EXD3: variants seen among roughly 807,000 people sequenced by gnomAD.
EXD3 encodes the protein exonuclease 3'-5' domain containing 3.
Under a neutral mutation model 98.0 loss-of-function variants are expected in EXD3, and 92 were observed. The ratio of observed to expected loss-of-function variants is 0.94; its 90% CI spans 0.79 to 1.12. EXD3 has a LOEUF of 1.12. Ranked by LOEUF, EXD3 falls within the 50% of genes most tolerant of loss-of-function variation. EXD3 has a pLI of 0.00. For synonymous variants in EXD3, 569 were observed against 526.0 expected (o/e 1.08, Z -1.12); for missense variants, 1,222 against 1,191.6 (o/e 1.03, Z -0.38).
chr9:137,419,390 C>A (rs143726458), intron 1 of EXD3, among the ~76,000 whole-genome samples: 23 of 152,358 alleles, frequency 1.5e-4, no homozygotes, highest in Admixed American at 3.9e-4. Flanking sequence ...CAGTTTAAGG[C>A]CGGGCACGGT....
At chr9:137,310,271 G>A (rs1318972258) in intron 19 of EXD3, among the ~76,000 whole-genome samples, 2 of 152,216 alleles carry the variant, frequency 1.3e-5, no homozygotes, top group East Asian at 1.9e-4. Context: ...TTTGAGATGC[G>A]GTCTCATTGT....
Position 137,403,136 on chromosome 9 carries a change from C to T in EXD3, c.-47-7732G>A, listed in dbSNP as rs1393887409. On this transcript the variant is annotated intron_variant, in intron 1 of 21. Transcript: ENST00000340951. This position sits in a 1 kb window ranked among gnomAD's most constrained non-coding sequence, Gnocchi z 6.1. Reference sequence around the variant, plus strand: ...CGGCTTGGCTCATTTCCTGCAGGATCCCCGGCGCTGACCCCTCTCCCCTCC... The same window carrying T: ...CGGCTTGGCTCATTTCCTGCAGGATTCCCGGCGCTGACCCCTCTCCCCTCC... Among the ~76,000 whole-genome samples the T allele has an allele frequency of 6.6e-6, 1 of 151,932 alleles. No individual in the cohort carries two copies. Among genetic ancestry groups the T allele is most frequent in the African/African-American group, 2.4e-5 (1 of 41,372 alleles).
chr9:137,353,594 C>A (rs997880547), intron 10 of EXD3: 10 of 985,910 alleles, frequency 1.0e-5, no homozygotes, highest in Non-Finnish European at 9.6e-6. Flanking sequence ...AGCTCTCTCC[C>A]ACCCCGCAGC....
Position 137,351,102 on chromosome 9 carries a change from G to A in EXD3, c.1430C>T (p.Pro477Leu). 2 of 1,584,796 alleles carry A rather than the reference G, an allele frequency of 1.3e-6. No individual in the cohort carries two copies. The highest frequency in any genetic ancestry group is 1.8e-5 in the Admixed American group (1 of 56,052). The part of the protein sequence containing the change: ...GDLQKLGTSC[P>L]ALAHVEKQIL... ...CTGCTTCTCCACATGGGCCAGGGCG[G>A]GGCAGGACGTGCCCAGTTTTTGCAG... The change falls in exon 14 of 22, where the codon CCC (proline) becomes CTC (leucine). Residue 477 changes from proline to leucine, a missense_variant. By Grantham distance (98) the Pro-to-Leu change is moderately conservative (BLOSUM62 -3). Transcript: ENST00000340951.
rs1008456263 is a variant in EXD3 at position 137,371,886 on chromosome 9, C to G, written c.462+1019G>C. Among the ~76,000 whole-genome samples, 1 of 151,996 alleles carries G rather than the reference C, an allele frequency of 6.6e-6. No homozygotes were observed. The highest frequency in any genetic ancestry group is 1.5e-5 in the Non-Finnish European group (1 of 67,976). ...GGGGGCTCCCCTGCACCTGCAGGAA[C>G]AGCTCAGAGCCACCCCACGCAAGAC... is the stretch of plus-strand genomic sequence containing the variant. On this transcript the variant is annotated intron_variant, in intron 5 of 21. Transcript: ENST00000340951. The surrounding 1 kb of genome is among the most constrained non-coding windows in gnomAD (Gnocchi z 8.0).
rs1834026647 is a variant in EXD3 at position 137,348,070 on chromosome 9, C to A, written c.1998+1G>T. On this transcript the variant is annotated splice_donor_variant, in intron 17 of 21. Transcript: ENST00000340951. LOFTEE classifies it high-confidence loss of function. ...CCCCAAGACCCTCCCCGCAAACTCA[C>A]CTCGGCCGCCCTGCGGTGGTCTTCA... is the stretch of plus-strand genomic sequence containing the variant. 6.2e-7 allele frequency: 1 copy of A among 1,609,660 alleles called. No individual in the cohort carries two copies. Among genetic ancestry groups the A allele is most frequent in the East Asian group, 2.2e-5 (1 of 44,860 alleles).
intron 19 of EXD3, among the ~76,000 whole-genome samples, chr9:137,317,952 G>A (rs1473548183): frequency 6.6e-6 from 1 of 152,172 alleles, no homozygotes; most frequent in Non-Finnish European, 1.5e-5. Context: ...GTGGGAATGG[G>A]GTCTGGGCTG....
chr9:137,319,195 G>A (rs1444253130), intron 19 of EXD3, among the ~76,000 whole-genome samples: 1 of 152,234 alleles, frequency 6.6e-6, no homozygotes, highest in African/African-American at 2.4e-5. Context: ...CAGCCTGAGC[G>A]TGCCGCTCTC....
intron 2 of EXD3, among the ~76,000 whole-genome samples, chr9:137,390,807 G>A (rs1001114913): frequency 3.3e-5 from 5 of 152,194 alleles, no homozygotes; most frequent in African/African-American, 4.8e-5. Context: ...GGCAGGCGCC[G>A]GGCCAGGCCA....
At position 137,352,106 on chromosome 9, in the gene EXD3, G is replaced by A. The variant is rs781648976; in HGVS notation, c.1133C>T (p.Ser378Leu). The part of the protein sequence containing the change: ...IPRENVHLLA[S>L]WEDLTRHEGA... The stretch of plus-strand genomic sequence containing the variant: ...CTCGTGTCTGGTCAGGTCTTCCCAC[G>A]AGGCCAGGAGGTGGACGTTCTCCCT... The change falls in exon 12 of 22, where the codon TCG (serine) becomes TTG (leucine). Residue 378 changes from serine (S) to leucine (L), a missense_variant. Physicochemically the swap from Ser to Leu is moderately radical, Grantham distance 145. Transcript: ENST00000340951. 25 of 1,612,546 alleles carry A rather than the reference G, an allele frequency of 1.6e-5. No homozygotes were observed. The highest frequency in any genetic ancestry group is 5.3e-5 in the African/African-American group (4 of 74,936).
rs546524596 is a variant in EXD3, at chr9:137,366,137, A to AC, written c.656+355dup. ...CTCTGTAATTGCTGACAGACGTCAC[A>AC]CACCAAGTGCTTCCAAAAACTTTAT... On this transcript the variant is annotated intron_variant, in intron 7 of 21. Coordinates refer to ENST00000340951, the MANE Select transcript of EXD3 (RefSeq NM_017820.5). The AC allele has an allele frequency of 1.2e-3, 814 of 699,530 alleles. 11 individuals are homozygous for AC. The African/African-American group carries it at 0.013, about 11-fold the overall frequency. The allele number at this position is 699,530 out of a possible 1,614,324, so 43.3% of individuals were successfully genotyped here.
chr9:137,338,761 C>T (rs867946919), intron 17 of EXD3, among the ~76,000 whole-genome samples: 20 of 149,798 alleles, frequency 1.3e-4, no homozygotes, highest in South Asian at 8.5e-4. Context: ...GGAGTGGTGG[C>T]GGGCGCCTGT....
chr9:137,330,417 A>C (rs921909085), intron 17 of EXD3, among the ~76,000 whole-genome samples: 20 of 143,698 alleles, frequency 1.4e-4, no homozygotes, highest in Admixed American at 2.0e-4. Context: ...CCACAGGACT[A>C]CACAGGAGCT....
chr9:137,369,941 T>G (rs1462391747), intron 5 of EXD3, among the ~76,000 whole-genome samples: 1 of 152,228 alleles, frequency 6.6e-6, no homozygotes, highest in Non-Finnish European at 1.5e-5. Flanking sequence ...GTGGGCTTTC[T>G]GGACATGCAG....
At chr9:137,368,172 G>A (rs969225162) in intron 5 of EXD3, among the ~76,000 whole-genome samples, 183 bp from the exon 6 acceptor site, 98 of 152,338 alleles carry the variant, frequency 6.4e-4, no homozygotes, top group African/African-American at 2.2e-3. Context: ...AAGCCCCCCC[G>A]TGCTGAGCCA....
intron 10 of EXD3, 117 bp downstream of exon 10, chr9:137,354,222 A>C: frequency 6.7e-7 from 1 of 1,496,800 alleles, no homozygotes; most frequent in Non-Finnish European, 9.0e-7. Context: ...GTCTGGGCTC[A>C]GCAGCCCCAG....
chr9:137,406,037 T>G (rs1439735942), intron 1 of EXD3, among the ~76,000 whole-genome samples: 1 of 151,166 alleles, frequency 6.6e-6, no homozygotes. Flanking sequence ...CTGGGCAACA[T>G]AGTGAGACCC....
chr9:137,358,157 T>G (rs1290803400), intron 7 of EXD3, among the ~76,000 whole-genome samples: 2 of 152,202 alleles, frequency 1.3e-5, no homozygotes, highest in Admixed American at 1.3e-4. Context: ...AGTGTGTTAG[T>G]GTTAGCATGC....
intron 1 of EXD3, among the ~76,000 whole-genome samples, chr9:137,406,372 A>G (rs1238781334): frequency 3.5e-5 from 3 of 86,544 alleles, no homozygotes; most frequent in African/African-American, 1.1e-4. Context: ...GGTGGCTGGC[A>G]GCAAGTTATC....
Sources: gnomAD v4.1 joint callset for allele counts (sites outside exome capture counted in the v4.1 genomes callset) on GRCh38, gnomAD v4.1.1 for gene constraint, Gnocchi (gnomAD v3.1) non-coding constraint, MANE v1.5 for transcripts, NCBI Gene and HGNC (gene_info 2026-07-23, HGNC 2026-07-21) for gene names.